Variants in CAMTA1 observed in about 807,000 individuals in gnomAD.
CAMTA1 encodes calmodulin binding transcription activator 1, also known as calmodulin-binding transcription activator 1.
A neutral mutation model predicts 170.9 loss-of-function variants in CAMTA1; 27 were observed. The observed-to-expected ratio is 0.16, with a 90% CI of 0.12 to 0.22. The LOEUF (loss-of-function observed/expected upper bound fraction) is 0.22, where lower values mean the gene tolerates loss of function less well. Ranked by LOEUF, CAMTA1 falls within the 10% of genes least tolerant of loss-of-function variation. The pLI is 1.00. For synonymous variants in CAMTA1, 833 were observed against 891.5 expected (o/e 0.93, Z 1.17); for missense variants, 1,619 against 2,217.2 (o/e 0.73, Z 5.42).
chr1:7,567,167 G>A (rs1310641207), intron 6 of CAMTA1, among the ~76,000 whole-genome samples: 1 of 152,242 alleles, frequency 6.6e-6, no homozygotes, highest in Non-Finnish European at 1.5e-5. Context: ...CTCTGAGGAG[G>A]CAGCTTGGCT....
At chr1:6,841,668 G>A (rs1399631203) in intron 3 of CAMTA1, among the ~76,000 whole-genome samples, 3 of 152,190 alleles carry the variant, frequency 2.0e-5, no homozygotes, top group East Asian at 1.9e-4. Context: ...GAGACGGAAT[G>A]TGGAACAGAG....
chr1:6,853,534 A>C (rs1401659176), intron 3 of CAMTA1, among the ~76,000 whole-genome samples: 1 of 152,204 alleles, frequency 6.6e-6, no homozygotes, highest in East Asian at 1.9e-4. Context: ...GAAACAGAGC[A>C]TGTGGGAAAA....
At chr1:7,701,421 T>TC (rs1299662288) in intron 11 of CAMTA1, among the ~76,000 whole-genome samples, 1 of 152,090 alleles carries the variant, frequency 6.6e-6, no homozygotes, top group African/African-American at 2.4e-5. Flanking sequence ...CTGCTTTTTT[T>TC]CTCCCCCTTT....
rs535139503 is a variant in CAMTA1, at chr1:7,757,649, T to G, written c.4989+1981T>G. 1.5e-4 allele frequency among the ~76,000 whole-genome samples: 23 copies of G among 152,058 alleles called. No homozygotes were observed. In the South Asian group the frequency reaches 4.8e-3, roughly 32 times the overall value. ...GGCCATGGTGGCGTGTGCAGGAGAA[T>G]CTGTTGAACCCGGGAGGCAGAGGTT... On this transcript the variant is annotated intron_variant, in intron 22 of 22. Transcript: ENST00000303635.
At chr1:7,109,058 G>T (rs975778888) in intron 4 of CAMTA1, among the ~76,000 whole-genome samples, 2 of 152,254 alleles carry the variant, frequency 1.3e-5, no homozygotes, top group African/African-American at 2.4e-5. Context: ...TGCCACATGG[G>T]CCTCTCCAAC....
intron 3 of CAMTA1, among the ~76,000 whole-genome samples, chr1:7,002,571 A>G (rs2100646759): frequency 6.6e-6 from 1 of 152,350 alleles, no homozygotes; most frequent in South Asian, 2.1e-4. Flanking sequence ...ATTGATAGAA[A>G]TGACCGACAA....
At chr1:7,625,116 A>G (rs1180696392) in intron 6 of CAMTA1, among the ~76,000 whole-genome samples, 1 of 152,040 alleles carries the variant, frequency 6.6e-6, no homozygotes, top group African/African-American at 2.4e-5. Flanking sequence ...CATTCACAGG[A>G]AATGGGGAGC....
intron 5 of CAMTA1, among the ~76,000 whole-genome samples, chr1:7,264,593 A>T (rs1668637008): frequency 1.3e-5 from 2 of 151,888 alleles, no homozygotes; most frequent in South Asian, 4.1e-4. Flanking sequence ...TGTTAGGTAT[A>T]ATATCCAATT....
At chr1:6,914,944 T>C (rs1304926131) in intron 3 of CAMTA1, among the ~76,000 whole-genome samples, 3 of 152,224 alleles carry the variant, frequency 2.0e-5, no homozygotes, top group Non-Finnish European at 4.4e-5. Context: ...TGAATTCTAA[T>C]TCTGTGCGAT....
chr1:6,791,656 TTGAGAG>T (rs1315508484), intron 1 of CAMTA1, among the ~76,000 whole-genome samples: 7 of 152,220 alleles, frequency 4.6e-5, no homozygotes, highest in African/African-American at 1.7e-4. Context: ...TTTGGTGTGT[TTGAGAG>T]TGAGAGTGAG....
At chr1:7,339,409 C>A (rs1375052469) in intron 5 of CAMTA1, among the ~76,000 whole-genome samples, 1 of 152,158 alleles carries the variant, frequency 6.6e-6, no homozygotes, top group East Asian at 1.9e-4. Flanking sequence ...TTATTGTCAT[C>A]ATTTTTCAGA....
In CAMTA1 at chr1:7,394,777, T is replaced by C. The variant is rs144284002; in HGVS notation, c.439-73053T>C. ...TTTAAAAAATCCTTACCCAGACCAA[T>C]ATCATGAAGCATTTCCCCTATATTT... is the stretch of plus-strand genomic sequence containing the variant. On this transcript the variant is annotated intron_variant, in intron 5 of 22. Coordinates refer to ENST00000303635, the MANE Select transcript of CAMTA1 (RefSeq NM_015215.4). Among the ~76,000 whole-genome samples, 380 of 152,098 alleles carry C rather than the reference T, an allele frequency of 2.5e-3. 2 individuals are homozygous for C. The highest frequency in any genetic ancestry group is 0.01 in the Middle Eastern group (3 of 294).
Position 7,225,023 on chromosome 1 carries a change from G to C in CAMTA1, c.303-24468G>C, listed in dbSNP as rs192110682. On this transcript the variant is annotated intron_variant, in intron 4 of 22. Coordinates refer to ENST00000303635, the MANE Select transcript of CAMTA1 (RefSeq NM_015215.4). ...GAGAGGCTAGGAAGAGTCAGGAAGGGGCTGTAAGGGGCCAGCTGGGCAGGG... is the reference window on the plus strand; with the variant it reads ...GAGAGGCTAGGAAGAGTCAGGAAGGCGCTGTAAGGGGCCAGCTGGGCAGGG... 3.7e-4 allele frequency among the ~76,000 whole-genome samples: 56 copies of C among 152,324 alleles called. No homozygotes were observed. In the East Asian group the frequency reaches 0.01, roughly 28 times the overall value.
chr1:7,322,166 A>T (rs1210583902), intron 5 of CAMTA1, among the ~76,000 whole-genome samples: 4 of 152,198 alleles, frequency 2.6e-5, no homozygotes, highest in Non-Finnish European at 5.9e-5. Context: ...CTGGCATAAC[A>T]AACCTGCGTT....
Position 7,048,498 on chromosome 1 carries a change from T to C in CAMTA1, c.235-42806T>C, listed in dbSNP as rs1037606726. Among the ~76,000 whole-genome samples the C allele has an allele frequency of 1.1e-4, 16 of 152,328 alleles. No homozygotes were observed. The South Asian group carries it at 1.2e-3, about 12-fold the overall frequency. ...GGAGAGGGGAGCGTCTGCTGTTGGC[T>C]TTGGTGTGGCTACGCCAGCTGGGCC... On this transcript the variant is annotated intron_variant, in intron 3 of 22. Coordinates refer to ENST00000303635, the MANE Select transcript of CAMTA1 (RefSeq NM_015215.4).
intron 1 of CAMTA1, among the ~76,000 whole-genome samples, chr1:6,807,414 G>A (rs1644645623): frequency 6.6e-6 from 1 of 152,062 alleles, no homozygotes; most frequent in Admixed American, 6.6e-5. Context: ...ATACTTACAT[G>A]AAAACATACA....
rs78790528 is a variant in CAMTA1, at chr1:7,589,603, C to T, written c.511-50797C>T. ...CCGCTGGCTCCAGATATCCTTCCCT[C>T]GACCTCTGTCGCTCAGCATCTGCGG... is the stretch of plus-strand genomic sequence containing the variant. On this transcript the variant is annotated intron_variant, in intron 6 of 22. Coordinates refer to ENST00000303635, the MANE Select transcript of CAMTA1 (RefSeq NM_015215.4). 9.9e-3 allele frequency among the ~76,000 whole-genome samples: 1,507 copies of T among 152,268 alleles called. 39 individuals carry two copies. Among genetic ancestry groups the T allele is most frequent in the African/African-American group, 0.034 (1,433 of 41,546 alleles).
intron 5 of CAMTA1, among the ~76,000 whole-genome samples, chr1:7,316,166 C>T (rs1574629993): frequency 6.6e-6 from 1 of 152,170 alleles, no homozygotes; most frequent in Admixed American, 6.5e-5. Context: ...CCTCCCACTG[C>T]GTTCCTCCCA....
Position 7,333,289 on chromosome 1 carries a change from G to T in CAMTA1, c.438+83663G>T, listed in dbSNP as rs1178592155. Among the ~76,000 whole-genome samples the T allele has an allele frequency of 6.6e-6, 1 of 152,152 alleles. No homozygotes were observed. Among genetic ancestry groups the T allele is most frequent in the Non-Finnish European group, 1.5e-5 (1 of 68,024 alleles). ...TCGAGGTTGGGCTCTGCAAGCTTTG[G>T]CAATTGACATGAGTTGAACCTAGTT... On this transcript the variant is annotated intron_variant, in intron 5 of 22. Coordinates refer to ENST00000303635, the MANE Select transcript of CAMTA1 (RefSeq NM_015215.4). This position sits in a 1 kb window ranked among gnomAD's most constrained non-coding sequence, Gnocchi z 4.4.
Sources: allele counts gnomAD v4.1 joint callset (sites outside exome capture counted in the v4.1 genomes callset), GRCh38; gene constraint gnomAD v4.1.1; non-coding constraint Gnocchi (gnomAD v3.1); transcripts MANE v1.5; gene names NCBI Gene and HGNC (gene_info 2026-07-23, HGNC 2026-07-21).